THOC2: variants seen among roughly 807,000 people sequenced by gnomAD.
THOC2 encodes the protein THO complex 2.
Under a neutral mutation model 128.4 loss-of-function variants are expected in THOC2, and 10 were observed. That is an observed-to-expected ratio of 0.08 (90% CI 0.05 to 0.13). The LOEUF is 0.13. Ranked by LOEUF, THOC2 falls within the 10% of genes least tolerant of loss-of-function variation. THOC2 has a pLI of 1.00. For missense variants in THOC2, 535 were observed against 1,155.7 expected, an observed-to-expected ratio of 0.46 and a Z score of 7.79; for synonymous variants, 393 against 396.9, an observed-to-expected ratio of 0.99 and a Z score of 0.12.
At chrX:123,615,654 A>AT (rs1556007836) in intron 33 of THOC2, among the ~76,000 whole-genome samples, 3 of 102,768 alleles carry the variant, frequency 2.9e-5, no homozygotes, top group South Asian at 8.3e-4. Context: ...CAAAAAAAAA[A>AT]ATACACACAC....
chrX:123,674,635 C>A (rs2049409868), intron 8 of THOC2, among the ~76,000 whole-genome samples: 1 of 111,344 alleles, frequency 9.0e-6, no homozygotes, highest in Non-Finnish European at 1.9e-5. Context: ...TCCTCATTTC[C>A]TCTATCACTG....
At chrX:123,609,685 TTAATA>T (rs1349572405) in intron 38 of THOC2, among the ~76,000 whole-genome samples, 1 of 111,636 alleles carries the variant, frequency 9.0e-6, no homozygotes, top group Middle Eastern at 4.2e-3. Context: ...GCAAGTATAC[TTAATA>T]TATTAAGAAA....
chrX:123,608,380 G>C (rs1167558139), intron 38 of THOC2, among the ~76,000 whole-genome samples: 1 of 100,449 alleles, frequency 1.0e-5, no homozygotes, highest in African/African-American at 3.7e-5. Flanking sequence ...CAGCCTGGGC[G>C]ACAGAGTGAG....
chrX:123,641,596 T>C (rs2047915468), intron 15 of THOC2, among the ~76,000 whole-genome samples: 1 of 111,578 alleles, frequency 9.0e-6, no homozygotes, highest in South Asian at 3.7e-4. Context: ...CCACTACCTG[T>C]CCCTATTTCT....
At chrX:123,689,870 T>C (rs1328906122) in intron 7 of THOC2, among the ~76,000 whole-genome samples, 2 of 111,600 alleles carry the variant, frequency 1.8e-5, no homozygotes, top group African/African-American at 6.5e-5. Flanking sequence ...TATGCAAACA[T>C]CTTAGAAGAG....
At chrX:123,639,108 T>C in intron 16 of THOC2, 81 bp from the exon 17 acceptor site, 1 of 403,055 alleles carries the variant, frequency 2.5e-6, no homozygotes, top group East Asian at 4.1e-5. Context: ...GGCTACACTT[T>C]CTATTTTTCA....
Position 123,667,294 on chromosome X carries a change from C to A in THOC2, c.1018-16G>T. Reference sequence around the variant, plus strand: ...TATCAGGTGGCTAAAAATGAATAGTCAAAACTAAGATACTCAGGATACAGA... The same window carrying A: ...TATCAGGTGGCTAAAAATGAATAGTAAAAACTAAGATACTCAGGATACAGA... On this transcript the variant is annotated splice_polypyrimidine_tract_variant and intron_variant, in intron 10 of 38. Transcript: ENST00000245838. 8.6e-7 allele frequency: 1 copy of A among 1,160,094 alleles called. No individual in the cohort carries two copies. Among genetic ancestry groups the A allele is most frequent in the Non-Finnish European group, 1.2e-6 (1 of 860,121 alleles).
chrX:123,702,268 C>A (rs1479116692), intron 4 of THOC2, among the ~76,000 whole-genome samples: 3 of 109,860 alleles, frequency 2.7e-5, no homozygotes, highest in Non-Finnish European at 5.7e-5. Flanking sequence ...GACTCTGCCT[C>A]TAAAAACTAA....
chrX:123,677,341 A>G lies in THOC2; in HGVS notation c.769-5580T>C, dbSNP rs1030624153. Reference sequence around the variant, plus strand: ...CTAAGACATTGCTGTACACTACTATATATTTTATAAACACTATATACTTAG... The same window carrying G: ...CTAAGACATTGCTGTACACTACTATGTATTTTATAAACACTATATACTTAG... On this transcript the variant is annotated intron_variant, in intron 8 of 38. Coordinates refer to ENST00000245838, the MANE Select transcript of THOC2 (RefSeq NM_001081550.2). Among the ~76,000 whole-genome samples the G allele has an allele frequency of 8.2e-4, 91 of 111,631 alleles. 1 individual carries two copies. In the Admixed American group the frequency reaches 8.6e-3, roughly 11 times the overall value.
intron 8 of THOC2, among the ~76,000 whole-genome samples, chrX:123,682,495 T>C (rs754407373): frequency 8.9e-6 from 1 of 112,111 alleles, no homozygotes; most frequent in Admixed American, 9.5e-5. Flanking sequence ...AGCCATTGCA[T>C]TGACTGTTCC....
At chrX:123,606,386 G>A (rs1254199298) in intron 38 of THOC2, among the ~76,000 whole-genome samples, 1 of 110,947 alleles carries the variant, frequency 9.0e-6, no homozygotes, top group Non-Finnish European at 1.9e-5. Context: ...GAGGTCAGGA[G>A]TTTGAGACCA....
chrX:123,669,879 C>T (rs900039406), intron 9 of THOC2, among the ~76,000 whole-genome samples: 4 of 111,743 alleles, frequency 3.6e-5, no homozygotes, highest in Non-Finnish European at 7.5e-5. Flanking sequence ...ATCAACATTT[C>T]ATTATCCTTA....
At chrX:123,700,137 T>A (rs1446811720) in intron 4 of THOC2, among the ~76,000 whole-genome samples, 1 of 110,384 alleles carries the variant, frequency 9.1e-6, no homozygotes, top group Non-Finnish European at 1.9e-5. Flanking sequence ...CCCATCAGCA[T>A]ATCAACTTAC....
intron 12 of THOC2, among the ~76,000 whole-genome samples, chrX:123,661,210 G>C (rs1253494165): frequency 8.9e-6 from 1 of 111,757 alleles, no homozygotes; most frequent in Non-Finnish European, 1.9e-5. Context: ...TTCGAGACCA[G>C]CGTAGCAAAC....
chrX:123,619,035 T>C lies in THOC2; in HGVS notation c.4311+366A>G, dbSNP rs757421095. Reference sequence around the variant, plus strand: ...GGGTTGTCTAAACAGTCAGACAGCCTGGCAGATTTGTTTTGAAAAATTAAA... The same window carrying C: ...GGGTTGTCTAAACAGTCAGACAGCCCGGCAGATTTGTTTTGAAAAATTAAA... On this transcript the variant is annotated intron_variant, in intron 33 of 38. Coordinates refer to ENST00000245838, the MANE Select transcript of THOC2 (RefSeq NM_001081550.2). Among the ~76,000 whole-genome samples, 6 of 112,263 alleles carry C rather than the reference T, an allele frequency of 5.3e-5. No individual in the cohort carries two copies. The South Asian group carries it at 1.5e-3, about 27-fold the overall frequency.
At chrX:123,649,825 T>C (rs916064530) in intron 12 of THOC2, among the ~76,000 whole-genome samples, 5 of 111,379 alleles carry the variant, frequency 4.5e-5, no homozygotes, top group Non-Finnish European at 9.4e-5. Context: ...CAAACCTACG[T>C]TTGATTGGTG....
intron 24 of THOC2, 78 bp from the exon 25 acceptor site, chrX:123,626,147 T>G (rs773633541): frequency 1.5e-6 from 1 of 687,277 alleles, no homozygotes. Flanking sequence ...TGACAACATA[T>G]TACCTTTAGT....
chrX:123,613,647 T>G lies in THOC2; in HGVS notation c.4511A>C (p.Asn1504Thr). 1 of 1,210,516 alleles carries G rather than the reference T, an allele frequency of 8.3e-7. No individual in the cohort carries two copies. The highest frequency in any genetic ancestry group is 3.0e-5 in the East Asian group (1 of 33,844). The change falls in exon 35 of 39, where the codon AAT (asparagine) becomes ACT (threonine). Residue 1504 changes from asparagine (N) to threonine (T), a missense_variant. Asn to Thr is a moderately conservative substitution (Grantham distance 65, BLOSUM62 0). This residue lies in a region of THOC2 where 39 missense variants were observed against 93.1 expected (regional missense o/e 0.42). Transcript: ENST00000245838. ...TGAATAAGTCTACCTACTTGTTCCA[T>G]TCTCCTCTTTACGTCTCTTGGTTAA... ...PDLTKRRKEE[N>T]GTMGVSKHKS... is the part of the protein sequence containing the mutation.
intron 38 of THOC2, among the ~76,000 whole-genome samples, chrX:123,604,197 C>T (rs2046384046): frequency 8.9e-6 from 1 of 111,924 alleles, no homozygotes; most frequent in African/African-American, 3.3e-5. Context: ...AGTTCATAGT[C>T]TGCTGTTCTC....
Sources: gnomAD v4.1 joint callset for allele counts (sites outside exome capture counted in the v4.1 genomes callset) on GRCh38, gnomAD v4.1.1 for gene constraint, gnomAD v4.1.1 regional missense constraint, MANE v1.5 for transcripts, NCBI Gene and HGNC (gene_info 2026-07-23, HGNC 2026-07-21) for gene names.